Variants in MYOCD observed in about 807,000 individuals in gnomAD.
The protein encoded by MYOCD is myocardin.
A neutral mutation model predicts 96.1 loss-of-function variants in MYOCD; 32 were observed. The observed-to-expected ratio is 0.33, with a 90% CI of 0.25 to 0.45. The LOEUF is 0.45. MYOCD is among the 20% of genes least tolerant of loss of function. The pLI, the probability that MYOCD is intolerant of heterozygous loss-of-function variation, is 1.00. For missense variants in MYOCD, 1,133 were observed against 1,200.6 expected, an observed-to-expected ratio of 0.94 and a Z score of 0.83; for synonymous variants, 469 against 469.0, an observed-to-expected ratio of 1.00 and a Z score of 0.00.
intron 9 of MYOCD, among the ~76,000 whole-genome samples, chr17:12,751,749 G>C (rs1300033716): frequency 6.6e-6 from 1 of 152,190 alleles, no homozygotes; most frequent in African/African-American, 2.4e-5. Flanking sequence ...GAGTTGAACT[G>C]ATGGTCTTAT....
At chr17:12,666,643 G>T (rs1006186681) in intron 1 of MYOCD, among the ~76,000 whole-genome samples, 1 of 152,080 alleles carries the variant, frequency 6.6e-6, no homozygotes, top group Non-Finnish European at 1.5e-5. Context: ...AGGTACAGGG[G>T]TCACTTAAAA....
In MYOCD at chr17:12,666,006, G is replaced by A; in HGVS notation, c.-183G>A. 1.8e-6 allele frequency: 1 copy of A among 553,910 alleles called. No homozygotes were observed. Among genetic ancestry groups the A allele is most frequent in the African/African-American group, 1.9e-5 (1 of 52,284 alleles). The allele number at this position is 553,910 out of a possible 1,614,324, so 34.3% of individuals were successfully genotyped here. On this transcript the variant is annotated 5_prime_UTR_variant, in exon 1 of 14. Coordinates refer to ENST00000425538, the MANE Select transcript of MYOCD (RefSeq NM_001146312.3). Reference sequence around the variant, plus strand: ...TAAGAGTTAATTAGCCCCGCACGGCGAGGGGGGAGGCGCCAGTTTTCTGGG... The same window carrying A: ...TAAGAGTTAATTAGCCCCGCACGGCAAGGGGGGAGGCGCCAGTTTTCTGGG...
chr17:12,752,360 CTT>C, intron 9 of MYOCD, 52 bp from the exon 10 acceptor site: 3 of 1,454,730 alleles, frequency 2.1e-6, no homozygotes, highest in Middle Eastern at 1.8e-4. Context: ...AATGAATACA[CTT>C]TTAAAAATAT....
At chr17:12,737,753 G>T (rs1330256925) in intron 6 of MYOCD, among the ~76,000 whole-genome samples, 1 of 152,178 alleles carries the variant, frequency 6.6e-6, no homozygotes, top group Non-Finnish European at 1.5e-5. Flanking sequence ...ATTAGGGACA[G>T]TTAAAATAAT....
At chr17:12,759,836 A>G (rs937594816) in intron 12 of MYOCD, among the ~76,000 whole-genome samples, 7 of 152,212 alleles carry the variant, frequency 4.6e-5, no homozygotes, top group African/African-American at 7.2e-5. Context: ...AAGAGCGTAA[A>G]AAGACATTTT....
intron 5 of MYOCD, among the ~76,000 whole-genome samples, chr17:12,735,744 C>T (rs1280602793): frequency 6.6e-6 from 1 of 152,186 alleles, no homozygotes; most frequent in African/African-American, 2.4e-5. Flanking sequence ...AAATGGCAGG[C>T]TGTCATCTCG....
At chr17:12,739,440 C>T (rs2032443214) in intron 7 of MYOCD, 112 bp downstream of exon 7, 2 of 1,271,874 alleles carry the variant, frequency 1.6e-6, no homozygotes, top group Non-Finnish European at 2.1e-6. Flanking sequence ...ACACGGAGGA[C>T]CCAGGCAGAG....
At chr17:12,704,819 A>G (rs534141845) in intron 1 of MYOCD, 3 of 241,610 alleles carry the variant, frequency 1.2e-5, no homozygotes, top group Admixed American at 5.7e-5. Flanking sequence ...GTGGAATTAG[A>G]TGATATTTAT....
At chr17:12,740,171 A>G (rs1358408158) in intron 7 of MYOCD, among the ~76,000 whole-genome samples, 1 of 152,114 alleles carries the variant, frequency 6.6e-6, no homozygotes, top group Non-Finnish European at 1.5e-5. Context: ...TCCTGACCTC[A>G]TGATCCACCT....
intron 2 of MYOCD, among the ~76,000 whole-genome samples, chr17:12,713,307 C>T (rs1005022455): frequency 1.3e-5 from 2 of 152,064 alleles, no homozygotes; most frequent in Middle Eastern, 3.2e-3. Flanking sequence ...AGCTGAGATA[C>T]AGGAAATACA....
rs1258122700 is a variant in MYOCD, at chr17:12,766,079, C to T, written c.*2435C>T. 6.6e-6 allele frequency: 1 copy of T among 152,194 alleles called. No individual in the cohort carries two copies. The highest frequency in any genetic ancestry group is 1.5e-5 in the Non-Finnish European group (1 of 68,050). The allele number at this position is 152,194 out of a possible 1,614,324, so 9.4% of individuals were successfully genotyped here. A position where few individuals can be genotyped will look rare whatever the true frequency, so the allele number is the denominator to read the frequency against. On this transcript the variant is annotated 3_prime_UTR_variant, in exon 14 of 14. Transcript: ENST00000425538. Reference sequence around the variant, plus strand: ...CTCCACACATTTGTTCATTCCTCAGCTGTTGGTGTTTTCTTGGGGTCTTGA... The same window carrying T: ...CTCCACACATTTGTTCATTCCTCAGTTGTTGGTGTTTTCTTGGGGTCTTGA...
intron 1 of MYOCD, among the ~76,000 whole-genome samples, chr17:12,691,364 A>G (rs2030436685): frequency 6.6e-6 from 1 of 152,194 alleles, no homozygotes; most frequent in Non-Finnish European, 1.5e-5. Flanking sequence ...TTGTCATCAA[A>G]ACCATGGCAA....
At chr17:12,758,428 C>T in intron 12 of MYOCD, 1 of 693,736 alleles carries the variant, frequency 1.4e-6, no homozygotes. Context: ...ACCTGTCTGG[C>T]TTTGGTACCA....
At position 12,766,991 on chromosome 17, in the gene MYOCD, G is replaced by A. The variant is rs1418679887; in HGVS notation, c.*3347G>A. On this transcript the variant is annotated 3_prime_UTR_variant, in exon 14 of 14. Coordinates refer to ENST00000425538, the MANE Select transcript of MYOCD (RefSeq NM_001146312.3). ...GGGAGGGAGGGAGGAAGAAGAGGGA[G>A]GGAGCGAGGAAGGAAGATAGGAGAT... The A allele has an allele frequency of 6.6e-6, 1 of 151,304 alleles. No individual in the cohort carries two copies. The highest frequency in any genetic ancestry group is 2.4e-5 in the African/African-American group (1 of 41,060). 9.4% of individuals were successfully genotyped at this position (151,304 alleles called of 1,614,324 possible). A position where few individuals can be genotyped will look rare whatever the true frequency, so the allele number is the denominator to read the frequency against.
At chr17:12,754,394 G>A (rs1358180964) in intron 10 of MYOCD, among the ~76,000 whole-genome samples, 1 of 152,204 alleles carries the variant, frequency 6.6e-6, no homozygotes, top group Non-Finnish European at 1.5e-5. Context: ...GAGCCACCAT[G>A]CCCAGCCGGA....
Position 12,764,919 on chromosome 17 carries a change from A to C in MYOCD, c.*1275A>C, listed in dbSNP as rs2033294302. ...GAATTTCTTGAGGAAGAAACTGGTG[A>C]CTTGGTCCATCAGTCACGAAGTTCT... On this transcript the variant is annotated 3_prime_UTR_variant, in exon 14 of 14. Coordinates refer to ENST00000425538, the MANE Select transcript of MYOCD (RefSeq NM_001146312.3). The C allele has an allele frequency of 6.6e-6, 1 of 152,216 alleles. No homozygotes were observed. The highest frequency in any genetic ancestry group is 1.5e-5 in the Non-Finnish European group (1 of 68,044). 9.4% of individuals were successfully genotyped at this position (152,216 alleles called of 1,614,324 possible). A position where few individuals can be genotyped will look rare whatever the true frequency, so the allele number is the denominator to read the frequency against.
chr17:12,705,376 C>A (rs1468866644), intron 2 of MYOCD, 183 bp downstream of exon 2: 2 of 515,222 alleles, frequency 3.9e-6, no homozygotes, highest in Non-Finnish European at 7.0e-6. Flanking sequence ...TACTCACCTG[C>A]AAGGGGCTCC....
chr17:12,736,355 A>C lies in MYOCD; in HGVS notation c.591+19A>C. 6.2e-7 allele frequency: 1 copy of C among 1,609,860 alleles called. No homozygotes were observed. Reference sequence around the variant, plus strand: ...AAACCAGGTAAAAAACAAAACAAACAAACGAAAAAAGTAAAACAGCATCTC... The same window carrying C: ...AAACCAGGTAAAAAACAAAACAAACCAACGAAAAAAGTAAAACAGCATCTC... On this transcript the variant is annotated intron_variant, in intron 6 of 13. Transcript: ENST00000425538.
At chr17:12,679,470 T>A (rs16946427) in intron 1 of MYOCD, among the ~76,000 whole-genome samples, 17 of 151,966 alleles carry the variant, frequency 1.1e-4, no homozygotes, top group African/African-American at 3.9e-4. Context: ...AAGCATCATG[T>A]TTGGTTGTTT....
Sources: gnomAD v4.1 joint callset for allele counts (sites outside exome capture counted in the v4.1 genomes callset) on GRCh38, gnomAD v4.1.1 for gene constraint, MANE v1.5 for transcripts, NCBI Gene and HGNC (gene_info 2026-07-23, HGNC 2026-07-21) for gene names.